SHOC2: variants seen among roughly 807,000 people sequenced by gnomAD.
SHOC2 encodes SHOC2 leucine rich repeat scaffold protein, also known as leucine-rich repeat protein SHOC-2.
In SHOC2, 4 loss-of-function variants were observed where a neutral mutation model predicts 50.2. That is an observed-to-expected ratio of 0.08 (90% CI 0.04 to 0.18). The LOEUF is 0.18. SHOC2 is among the 10% of genes least tolerant of loss of function. The pLI is 1.00. For missense variants in SHOC2, 388 were observed against 669.6 expected (o/e 0.58, Z 4.64); for synonymous variants, 218 against 244.5 (o/e 0.89, Z 1.01).
intron 2 of SHOC2, among the ~76,000 whole-genome samples, chr10:110,977,211 T>A (rs1847893818): frequency 6.6e-6 from 1 of 152,186 alleles, no homozygotes; most frequent in South Asian, 2.1e-4. Flanking sequence ...AGAATGATTT[T>A]TCTCCTGGTT....
chr10:111,009,086 TAG>T (rs1288466776), intron 6 of SHOC2, among the ~76,000 whole-genome samples, 160 bp from the exon 7 acceptor site: 6 of 152,158 alleles, frequency 3.9e-5, no homozygotes, highest in Non-Finnish European at 5.9e-5. Flanking sequence ...GGTGTTTTTT[TAG>T]AAAAGTAAGT....
intron 1 of SHOC2, among the ~76,000 whole-genome samples, chr10:110,932,866 C>A (rs73343860): frequency 0.018 from 2,749 of 152,082 alleles, 90 homozygotes; most frequent in African/African-American, 0.062. Flanking sequence ...TAAATGTTGA[C>A]CAAATGAAAA....
At position 110,946,518 on chromosome 10, in the gene SHOC2, AAAAT is replaced by A. The variant is rs368545181; in HGVS notation, c.-234-17603_-234-17600del. On this transcript the variant is annotated intron_variant, in intron 1 of 8. Coordinates refer to ENST00000369452, the MANE Select transcript of SHOC2 (RefSeq NM_007373.4). ...TATGAGGTAGTAAATGTTGTGAAGA[AAAAT>A]AAAGCAGGGTAAAAAGAATAGGAAG... Among the ~76,000 whole-genome samples, 777 of 152,070 alleles carry A rather than the reference AAAAT, an allele frequency of 5.1e-3. 4 individuals carry two copies. Among genetic ancestry groups the A allele is most frequent in the African/African-American group, 0.018 (730 of 41,450 alleles).
intron 8 of SHOC2, among the ~76,000 whole-genome samples, chr10:111,010,805 G>A (rs1848553045): frequency 6.6e-6 from 1 of 152,172 alleles, no homozygotes; most frequent in Admixed American, 6.5e-5. Context: ...GTAAAATAAA[G>A]ATGATAATAG....
intron 1 of SHOC2, among the ~76,000 whole-genome samples, chr10:110,925,027 T>C (rs190669407): frequency 7.5e-6 from 1 of 133,652 alleles, no homozygotes; most frequent in Non-Finnish European, 1.5e-5. Context: ...GCCGAGAACA[T>C]GCTACTGCAC....
At chr10:110,943,510 G>C (rs1462902870) in intron 1 of SHOC2, among the ~76,000 whole-genome samples, 3 of 152,010 alleles carry the variant, frequency 2.0e-5, no homozygotes, top group Non-Finnish European at 4.4e-5. Flanking sequence ...TTTTCCTTTA[G>C]TTCATTGAAC....
At chr10:110,930,100 G>T (rs565767710) in intron 1 of SHOC2, among the ~76,000 whole-genome samples, 1 of 152,220 alleles carries the variant, frequency 6.6e-6, no homozygotes, top group South Asian at 2.1e-4. Context: ...ATGTAATACA[G>T]AGATAATGAG....
intron 1 of SHOC2, among the ~76,000 whole-genome samples, chr10:110,956,280 C>G (rs1461199748): frequency 6.6e-6 from 1 of 151,990 alleles, no homozygotes; most frequent in Non-Finnish European, 1.5e-5. Context: ...TGGCTGGAGT[C>G]TCGGCTCACT....
intron 1 of SHOC2, among the ~76,000 whole-genome samples, chr10:110,954,798 G>T (rs1847426770): frequency 6.6e-6 from 1 of 152,154 alleles, no homozygotes; most frequent in African/African-American, 2.4e-5. Context: ...TAAAGAGTCA[G>T]CCATGTGAAG....
intron 2 of SHOC2, among the ~76,000 whole-genome samples, chr10:110,978,316 A>G (rs1392097928): frequency 2.6e-5 from 4 of 152,214 alleles, no homozygotes; most frequent in African/African-American, 4.8e-5. Context: ...GCTAGTATAA[A>G]TAGCTAATAC....
intron 3 of SHOC2, among the ~76,000 whole-genome samples, chr10:110,987,824 T>G (rs1337629168): frequency 6.6e-6 from 1 of 152,138 alleles, no homozygotes; most frequent in Non-Finnish European, 1.5e-5. Context: ...TTCTTAGAGA[T>G]ATGTTTGCCA....
intron 1 of SHOC2, among the ~76,000 whole-genome samples, chr10:110,961,562 C>T (rs181574431): frequency 9.9e-5 from 15 of 152,194 alleles, no homozygotes; most frequent in African/African-American, 2.9e-4. Context: ...AAGCTTTATT[C>T]TCTGACTAGT....
chr10:110,930,438 CT>C (rs1266974877), intron 1 of SHOC2, among the ~76,000 whole-genome samples: 1 of 151,954 alleles, frequency 6.6e-6, no homozygotes, highest in Non-Finnish European at 1.5e-5. Context: ...AAATATGTGG[CT>C]TTATATGTAC....
At chr10:111,009,149 T>G (rs1386051265) in intron 6 of SHOC2, 99 bp from the exon 7 acceptor site, 7 of 789,204 alleles carry the variant, frequency 8.9e-6, no homozygotes, top group Non-Finnish European at 1.5e-5. Flanking sequence ...TATTCACTGT[T>G]TGGAAAATTA....
chr10:110,978,987 G>C (rs1449677281), intron 2 of SHOC2, among the ~76,000 whole-genome samples: 2 of 152,192 alleles, frequency 1.3e-5, no homozygotes, highest in Non-Finnish European at 2.9e-5. Context: ...TACTCTAAAA[G>C]ATAACTCTTA....
chr10:111,011,521 T>A (rs749562691), intron 8 of SHOC2, 89 bp from the exon 9 acceptor site: 66 of 840,076 alleles, frequency 7.9e-5, no homozygotes, highest in Non-Finnish European at 1.2e-4. Context: ...GTGTTCAGTA[T>A]ATGTAATGAC....
At chr10:110,955,483 A>G (rs1847442197) in intron 1 of SHOC2, among the ~76,000 whole-genome samples, 1 of 152,126 alleles carries the variant, frequency 6.6e-6, no homozygotes, top group Non-Finnish European at 1.5e-5. Context: ...TTTTAGTGAG[A>G]TTGGGGGGGA....
At chr10:110,927,110 A>G (rs748592831) in intron 1 of SHOC2, among the ~76,000 whole-genome samples, 7 of 152,342 alleles carry the variant, frequency 4.6e-5, no homozygotes, top group Middle Eastern at 3.4e-3. Flanking sequence ...GTTAAAGAAA[A>G]TAAGCTTAAT....
rs1211380941 is a variant in SHOC2, at chr10:110,971,737, C to G, written c.703+6676C>G. ...ATTTCTTTCATTGTTTTACAGTTTT[C>G]ATCATAGAGCTTTTTCACCTCCTTA... On this transcript the variant is annotated intron_variant, in intron 2 of 8. Coordinates refer to ENST00000369452, the MANE Select transcript of SHOC2 (RefSeq NM_007373.4). 3.3e-5 allele frequency among the ~76,000 whole-genome samples: 5 copies of G among 152,012 alleles called. No homozygotes were observed. In the South Asian group the frequency reaches 6.2e-4, roughly 19 times the overall value.
Sources: gnomAD v4.1 joint callset for allele counts (sites outside exome capture counted in the v4.1 genomes callset) on GRCh38, gnomAD v4.1.1 for gene constraint, MANE v1.5 for transcripts, NCBI Gene and HGNC (gene_info 2026-07-23, HGNC 2026-07-21) for gene names.